CHD7: variants seen among roughly 807,000 people sequenced by gnomAD.
CHD7 encodes chromodomain helicase DNA binding protein 7.
CHD7 carries 24 observed loss-of-function variants against 307.3 expected under a neutral mutation model. That is an observed-to-expected ratio of 0.08 (90% confidence interval 0.06 to 0.11). The LOEUF is 0.11. Ranked by LOEUF, CHD7 falls within the 10% of genes least tolerant of loss-of-function variation. CHD7 has a pLI of 1.00. For missense variants in CHD7, 3,106 were observed against 3,727.1 expected, an observed-to-expected ratio of 0.83 and a Z score of 4.34; for synonymous variants, 1,363 against 1,349.9, an observed-to-expected ratio of 1.01 and a Z score of -0.21.
chr8:60,797,162 T>C (rs757152674), intron 4 of CHD7, among the ~76,000 whole-genome samples: 32 of 152,250 alleles, frequency 2.1e-4, no homozygotes, highest in Admixed American at 9.2e-4. Context: ...AAACATGTTA[T>C]GTATTAAATA....
Position 60,845,390 on chromosome 8 carries a change from C to T in CHD7, c.5191C>T (p.Leu1731=), listed in dbSNP as rs752330796. ...CCAGGAGGACAGCTACAAGAAACAC[C>T]TGAAGCATCACTGTAACAAGTATGT... ...LFQEDSYKKH[L]KHHCNKVLLR... is the part of the protein sequence containing the mutation. The change falls in exon 23 of 38, where the codon CTG becomes TTG. Residue 1731 remains leucine, a synonymous_variant. Transcript: ENST00000423902. 27 of 1,613,944 alleles carry T rather than the reference C, an allele frequency of 1.7e-5. No homozygotes were observed. Among genetic ancestry groups the T allele is most frequent in the Non-Finnish European group, 2.3e-5 (27 of 1,179,878 alleles).
chr8:60,748,783 C>G (rs1010132352), intron 2 of CHD7, among the ~76,000 whole-genome samples: 3 of 152,026 alleles, frequency 2.0e-5, no homozygotes, highest in African/African-American at 7.2e-5. Flanking sequence ...ACAAGGTGTC[C>G]TTAAAATAAG....
intron 2 of CHD7, among the ~76,000 whole-genome samples, chr8:60,752,192 A>T (rs1375344680): frequency 1.3e-5 from 2 of 152,170 alleles, no homozygotes; most frequent in African/African-American, 4.8e-5. Context: ...AAGCAAAAAA[A>T]CAATTGTTTT....
chr8:60,741,603 T>C lies in CHD7; in HGVS notation c.171T>C (p.Pro57=), dbSNP rs1196290112. 1 of 1,613,758 alleles carries C rather than the reference T, an allele frequency of 6.2e-7. No homozygotes were observed. The highest frequency in any genetic ancestry group is 1.7e-5 in the Admixed American group (1 of 59,984). ...FASLQPSLHH[P]STNQNQTKLT... is the part of the protein sequence containing the mutation. The stretch of plus-strand genomic sequence containing the variant: ...CTTTACAGCCATCCCTTCATCATCC[T>C]TCAACTAATCAAAATCAAACAAAGC... The change falls in exon 2 of 38, where the codon CCT becomes CCC. Residue 57 remains proline (P), a synonymous_variant. Transcript: ENST00000423902.
chr8:60,735,807 A>G (rs768017777), intron 1 of CHD7, among the ~76,000 whole-genome samples: 22 of 152,202 alleles, frequency 1.4e-4, no homozygotes, highest in Non-Finnish European at 2.5e-4. Context: ...AGTGCTTTCC[A>G]TGTAATTTTC....
rs561513893 is a variant in CHD7, at chr8:60,697,177, C to T, written c.-175+18095C>T. On this transcript the variant is annotated intron_variant, in intron 1 of 37. Transcript: ENST00000423902. ...TTGAGACTTTTGAACTAAAGTTAAA[C>T]AGTTTATTCTGTCTTGGAGTTAGTT... Among the ~76,000 whole-genome samples the T allele has an allele frequency of 2.6e-5, 4 of 152,266 alleles. No individual in the cohort carries two copies. In the South Asian group the frequency reaches 8.3e-4, roughly 32 times the overall value.
chr8:60,830,483 T>C lies in CHD7; in HGVS notation c.3684T>C (p.Phe1228=). 1 of 1,614,038 alleles carries C rather than the reference T, an allele frequency of 6.2e-7. No individual in the cohort carries two copies. Among genetic ancestry groups the C allele is most frequent in the Non-Finnish European group, 8.5e-7 (1 of 1,179,892 alleles). The part of the protein sequence containing the change: ...YRAILEKNFT[F]LSKGGGQANV... ...CCATCCTTGAGAAGAATTTCACATT[T>C]CTTTCCAAAGGCGGTGGTCAAGCTA... Residue 1228 remains phenylalanine (F), a synonymous_variant, in exon 15 of 38, where the codon TTT becomes TTC. Transcript: ENST00000423902.
chr8:60,772,426 C>G (rs1345535633), intron 2 of CHD7, among the ~76,000 whole-genome samples: 1 of 152,144 alleles, frequency 6.6e-6, no homozygotes, highest in Non-Finnish European at 1.5e-5. Context: ...AATTGCTTTT[C>G]CAGAACCAAA....
In CHD7 at chr8:60,742,657, C is replaced by A; in HGVS notation, c.1225C>A (p.Pro409Thr). The A allele has an allele frequency of 1.9e-6, 3 of 1,610,594 alleles. No individual in the cohort carries two copies. Among genetic ancestry groups the A allele is most frequent in the Non-Finnish European group, 2.5e-6 (3 of 1,177,532 alleles). The change falls in exon 2 of 38, where the codon CCT becomes ACT. Residue 409 changes from proline (P) to threonine (T), a missense_variant. This residue lies in a region of CHD7 where 998 missense variants were observed against 1,004.5 expected (regional missense o/e 0.99). Coordinates refer to ENST00000423902, the MANE Select transcript of CHD7 (RefSeq NM_017780.4). The stretch of plus-strand genomic sequence containing the variant: ...AGCAATGAGTAATCCAGCAGGCACT[C>A]CTCCTCCACAAGTCAGGCCGGGAAG... ...MKAMSNPAGTPPPQVRPGSAG... is the reference protein window; with the variant it reads ...MKAMSNPAGTTPPQVRPGSAG...
rs540611262 is a variant in CHD7 at position 60,857,644 on chromosome 8, T to C, written c.7608+756T>C. Among the ~76,000 whole-genome samples the C allele has an allele frequency of 1.2e-4, 19 of 152,264 alleles. 1 individual carries two copies. In the South Asian group the frequency reaches 1.9e-3, roughly 15 times the overall value. On this transcript the variant is annotated intron_variant, in intron 34 of 37. Coordinates refer to ENST00000423902, the MANE Select transcript of CHD7 (RefSeq NM_017780.4). ...TGGCTGGAACTCCTTGTCTGTGTTG[T>C]GAGGAGTGGGTGCTCCAGGAAGCCT...
At chr8:60,696,972 A>G (rs946019107) in intron 1 of CHD7, among the ~76,000 whole-genome samples, 9 of 152,070 alleles carry the variant, frequency 5.9e-5, no homozygotes, top group Non-Finnish European at 1.2e-4. Flanking sequence ...TCCTGAAATC[A>G]AGGAACATAA....
Position 60,856,731 on chromosome 8 carries a change from T to A in CHD7, c.7451T>A (p.Leu2484Gln). The A allele has an allele frequency of 6.2e-7, 1 of 1,614,052 alleles. No individual in the cohort carries two copies. The highest frequency in any genetic ancestry group is 8.5e-7 in the Non-Finnish European group (1 of 1,179,890). ...GATGCCTTTAAGACTCAAATGGAACTGCTCCAAGCAGGCCTTTCGCGCACA... is the reference window on the plus strand; with the variant it reads ...GATGCCTTTAAGACTCAAATGGAACAGCTCCAAGCAGGCCTTTCGCGCACA... The part of the protein sequence containing the change: ...VSDAFKTQME[L>Q]LQAGLSRTPT... Residue 2484 changes from leucine (L) to glutamine (Q), a missense_variant, in exon 34 of 38, where the codon CTG (leucine) becomes CAG (glutamine). This residue lies in a region of CHD7 where 1,030 missense variants were observed against 1,165.4 expected (regional missense o/e 0.88). Coordinates refer to ENST00000423902, the MANE Select transcript of CHD7 (RefSeq NM_017780.4).
chr8:60,736,515 C>T (rs1808722085), intron 1 of CHD7, among the ~76,000 whole-genome samples: 1 of 152,092 alleles, frequency 6.6e-6, no homozygotes, highest in Non-Finnish European at 1.5e-5. Flanking sequence ...TTTTTAGCTG[C>T]AAAATGCTTC....
At chr8:60,823,676 A>G (rs1176130158) in intron 12 of CHD7, among the ~76,000 whole-genome samples, 164 bp from the exon 13 acceptor site, 4 of 152,218 alleles carry the variant, frequency 2.6e-5, no homozygotes, top group Non-Finnish European at 5.9e-5. Context: ...CTGTTTTACC[A>G]TATCGTTTAA....
chr8:60,780,005 G>A (rs1192966547), intron 2 of CHD7, among the ~76,000 whole-genome samples: 1 of 152,192 alleles, frequency 6.6e-6, no homozygotes, highest in Non-Finnish European at 1.5e-5. Context: ...GCCAGAAGAA[G>A]CATATGAGAA....
rs772885661 is a variant in CHD7, at chr8:60,822,487, C to A, written c.2958-16C>A. The A allele has an allele frequency of 1.7e-5, 28 of 1,610,968 alleles. 1 individual carries two copies. The South Asian group carries it at 3.0e-4, about 17-fold the overall frequency. ...CCATACTCATTAAACTTTTGTACTT[C>A]ATTTTCCTCCTAAAGGCGAAACTGC... On this transcript the variant is annotated splice_polypyrimidine_tract_variant and intron_variant, in intron 11 of 37. Coordinates refer to ENST00000423902, the MANE Select transcript of CHD7 (RefSeq NM_017780.4).
chr8:60,772,178 C>T (rs1240583120), intron 2 of CHD7, among the ~76,000 whole-genome samples: 7 of 152,184 alleles, frequency 4.6e-5, no homozygotes, highest in Non-Finnish European at 1.0e-4. Context: ...TCCTGGAGAA[C>T]TTGCCTAGAG....
chr8:60,807,125 G>C (rs1812571820), intron 6 of CHD7, among the ~76,000 whole-genome samples: 1 of 152,222 alleles, frequency 6.6e-6, no homozygotes, highest in Admixed American at 6.5e-5. Flanking sequence ...GTTGGAGATT[G>C]AGGGGACTAG....
At chr8:60,765,512 A>G (rs948613461) in intron 2 of CHD7, among the ~76,000 whole-genome samples, 3 of 152,236 alleles carry the variant, frequency 2.0e-5, no homozygotes, top group Non-Finnish European at 4.4e-5. Flanking sequence ...AAGAGGTTAT[A>G]TTTAAACTGA....
Sources: allele counts gnomAD v4.1 joint callset (sites outside exome capture counted in the v4.1 genomes callset), GRCh38; gene constraint gnomAD v4.1.1; regional missense constraint gnomAD v4.1.1; transcripts MANE v1.5; gene names NCBI Gene and HGNC (gene_info 2026-07-23, HGNC 2026-07-21).